The following UBLCP1 variants were observed in gnomAD, a reference collection of about 807,000 sequenced individuals.
The protein encoded by UBLCP1 is ubiquitin like domain containing CTD phosphatase 1, also known as ubiquitin-like domain-containing CTD phosphatase 1.
Under a neutral mutation model 42.4 loss-of-function variants are expected in UBLCP1, and 28 were observed. The ratio of observed to expected loss-of-function variants is 0.66; its 90% CI spans 0.49 to 0.90. UBLCP1 has a LOEUF of 0.90. Ranked by LOEUF, UBLCP1 falls within the 40% of genes least tolerant of loss-of-function variation. The pLI, the probability that UBLCP1 is intolerant of heterozygous loss-of-function variation, is 0.00. For missense variants in UBLCP1, 279 were observed against 374.5 expected (o/e 0.75, Z 2.10); for synonymous variants, 122 against 120.8 (o/e 1.01, Z -0.07).
At chr5:159,281,444 C>T (rs921162610) in intron 9 of UBLCP1, among the ~76,000 whole-genome samples, 12 of 152,168 alleles carry the variant, frequency 7.9e-5, no homozygotes, top group African/African-American at 2.9e-4. Flanking sequence ...CCCTGTAAAG[C>T]GTCGTCTTCA....
In UBLCP1 at chr5:159,272,220, A is replaced by G. The variant is rs554583912; in HGVS notation, c.547+99A>G. On this transcript the variant is annotated intron_variant, in intron 6 of 10. Transcript: ENST00000296786. ...GACTTAAAATGACCTGTGTTTAAATATGAAATAGTTTTCATTTTTTAGCAA... is the reference window on the plus strand; with the variant it reads ...GACTTAAAATGACCTGTGTTTAAATGTGAAATAGTTTTCATTTTTTAGCAA... 7 of 952,574 alleles carry G rather than the reference A, an allele frequency of 7.3e-6. No homozygotes were observed. The South Asian group carries it at 1.1e-4, about 15-fold the overall frequency. The allele number at this position is 952,574 out of a possible 1,614,324, so 59.0% of individuals were successfully genotyped here.
chr5:159,282,321 A>AATTTTAC (rs1439555450), intron 9 of UBLCP1, among the ~76,000 whole-genome samples: 98 of 152,164 alleles, frequency 6.4e-4, no homozygotes, highest in African/African-American at 2.3e-3. Context: ...AACAAACTGT[A>AATTTTAC]AAGATAATTC....
chr5:159,269,023 A>G lies in UBLCP1; in HGVS notation c.108A>G (p.Thr36=). 1 of 1,601,714 alleles carries G rather than the reference A, an allele frequency of 6.2e-7. No homozygotes were observed. Among genetic ancestry groups the G allele is most frequent in the Non-Finnish European group, 8.5e-7 (1 of 1,175,784 alleles). Residue 36 remains threonine, a synonymous_variant, in exon 2 of 11, where the codon ACA becomes ACG. Transcript: ENST00000296786. The part of the protein sequence containing the change: ...LDLKQFLKTL[T]GVLPERQKLL... ...TCAAACAGTTTCTCAAGACCCTTAC[A>G]GGAGTTCTTCCAGAACGCCAAAAGT...
At chr5:159,281,618 C>T (rs898434698) in intron 9 of UBLCP1, among the ~76,000 whole-genome samples, 58 of 152,296 alleles carry the variant, frequency 3.8e-4, no homozygotes, top group African/African-American at 1.3e-3. Flanking sequence ...GTCACTGGCA[C>T]CAAGCTGTTC....
At chr5:159,283,151 T>C in intron 9 of UBLCP1, 61 bp from the exon 10 acceptor site, 8 of 1,517,410 alleles carry the variant, frequency 5.3e-6, no homozygotes, top group South Asian at 1.3e-5. Context: ...AATGATAGTA[T>C]AGATTTGTTA....
intron 1 of UBLCP1, among the ~76,000 whole-genome samples, chr5:159,263,714 C>A (rs1337477427): frequency 3.3e-5 from 5 of 152,190 alleles, no homozygotes; most frequent in Non-Finnish European, 7.4e-5. Flanking sequence ...TAATGCTCCC[C>A]TAAGTCAGTT....
intron 9 of UBLCP1, among the ~76,000 whole-genome samples, chr5:159,278,670 T>G (rs1170415772): frequency 6.6e-6 from 1 of 152,126 alleles, no homozygotes; most frequent in Non-Finnish European, 1.5e-5. Context: ...CCTCCTGGGT[T>G]CAAGTGATTC....
intron 9 of UBLCP1, among the ~76,000 whole-genome samples, chr5:159,280,158 C>T (rs1436427048): frequency 1.3e-5 from 2 of 152,192 alleles, no homozygotes; most frequent in East Asian, 3.8e-4. Context: ...GATTTAGACA[C>T]TCCACAGGCT....
At chr5:159,274,774 G>A (rs1584739774) in intron 7 of UBLCP1, 152 bp downstream of exon 7, 7 of 680,064 alleles carry the variant, frequency 1.0e-5, no homozygotes, top group Non-Finnish European at 1.7e-5. Context: ...TTTAAAGTGT[G>A]TTTAATAAGT....
At chr5:159,272,608 T>C (rs982478727) in intron 6 of UBLCP1, among the ~76,000 whole-genome samples, 9 of 152,184 alleles carry the variant, frequency 5.9e-5, no homozygotes, top group African/African-American at 2.2e-4. Flanking sequence ...TTTTCTTTTC[T>C]CCTTTTTTCC....
intron 6 of UBLCP1, among the ~76,000 whole-genome samples, chr5:159,273,952 G>A (rs968922460): frequency 2.0e-5 from 3 of 152,048 alleles, no homozygotes; most frequent in African/African-American, 7.2e-5. Flanking sequence ...AACCAGGAGA[G>A]CACATAAAGA....
At chr5:159,274,679 A>G in intron 7 of UBLCP1, 57 bp downstream of exon 7, 1 of 1,499,298 alleles carries the variant, frequency 6.7e-7, no homozygotes, top group Non-Finnish European at 9.2e-7. Context: ...TTGTCTTGTT[A>G]AAAGTTCTAG....
intron 9 of UBLCP1, among the ~76,000 whole-genome samples, chr5:159,281,476 C>T (rs1181633401): frequency 1.3e-5 from 2 of 152,138 alleles, no homozygotes; most frequent in African/African-American, 2.4e-5. Flanking sequence ...CACTGCTGCT[C>T]GGAAACAGCA....
intron 6 of UBLCP1, chr5:159,274,358 G>T (rs554785245): frequency 4.9e-5 from 18 of 370,712 alleles, no homozygotes; most frequent in Non-Finnish European, 8.4e-5. Context: ...TGGATTACCT[G>T]TATCTTACAG....
At position 159,269,911 on chromosome 5, in the gene UBLCP1, A is replaced by C; in HGVS notation, c.158A>C (p.Lys53Thr). 3 of 1,612,390 alleles carry C rather than the reference A, an allele frequency of 1.9e-6. No individual in the cohort carries two copies. Among genetic ancestry groups the C allele is most frequent in the Non-Finnish European group, 2.5e-6 (3 of 1,179,176 alleles). The change falls in exon 3 of 11, where the codon AAA (lysine) becomes ACA (threonine). Residue 53 changes from lysine (K) to threonine (T), a missense_variant. Lys to Thr is a moderately conservative substitution (Grantham distance 78). Transcript: ENST00000296786. The stretch of plus-strand genomic sequence containing the variant: ...CAGTCATTTGCTTGTATTGTAGGCA[A>C]ACCTGCAGAAAATGATGTTAAGCTT... ...QKLLGLKVKG[K>T]PAENDVKLGA...
At chr5:159,283,832 A>T (rs1386276506) in intron 10 of UBLCP1, among the ~76,000 whole-genome samples, 1 of 152,172 alleles carries the variant, frequency 6.6e-6, no homozygotes, top group South Asian at 2.1e-4. Context: ...TTTTAAAGAT[A>T]ACCACTGTTA....
chr5:159,283,619 T>G (rs1379769652), intron 10 of UBLCP1, among the ~76,000 whole-genome samples: 1 of 152,082 alleles, frequency 6.6e-6, no homozygotes, highest in African/African-American at 2.4e-5. Context: ...GCCTGTAAAT[T>G]ATTTTGTGAT....
chr5:159,274,717 G>A (rs1237359655), intron 7 of UBLCP1, 95 bp downstream of exon 7: 2 of 1,122,548 alleles, frequency 1.8e-6, no homozygotes, highest in Non-Finnish European at 1.3e-6. Flanking sequence ...TCTTACTGGA[G>A]GGCACTTAGT....
At chr5:159,273,554 C>G (rs914795533) in intron 6 of UBLCP1, among the ~76,000 whole-genome samples, 4 of 152,088 alleles carry the variant, frequency 2.6e-5, no homozygotes, top group Non-Finnish European at 5.9e-5. Context: ...AATATAGCAA[C>G]TAGTACTATG....
Sources: allele counts gnomAD v4.1 joint callset (sites outside exome capture counted in the v4.1 genomes callset), GRCh38; gene constraint gnomAD v4.1.1; transcripts MANE v1.5; gene names NCBI Gene and HGNC (gene_info 2026-07-23, HGNC 2026-07-21).